The following CAMTA1 variants were observed in gnomAD, a reference collection of about 807,000 sequenced individuals.
The protein encoded by CAMTA1 is calmodulin binding transcription activator 1.
A neutral mutation model predicts 170.9 loss-of-function variants in CAMTA1; 27 were observed. The ratio of observed to expected loss-of-function variants is 0.16; its 90% CI spans 0.12 to 0.22. CAMTA1 has a LOEUF of 0.22. CAMTA1 is among the 10% of genes least tolerant of loss of function. The probability of loss-of-function intolerance (pLI) is 1.00; values close to 1 mark genes in which losing one functional copy is unlikely to be tolerated. For missense variants in CAMTA1, 1,619 were observed against 2,217.2 expected (o/e 0.73, Z 5.42); for synonymous variants, 833 against 891.5 (o/e 0.93, Z 1.17).
intron 5 of CAMTA1, among the ~76,000 whole-genome samples, chr1:7,421,620 C>A (rs575772171): frequency 6.6e-6 from 1 of 152,208 alleles, no homozygotes; most frequent in Non-Finnish European, 1.5e-5. Context: ...CGGCCTCCCC[C>A]TCTTGGGCTG....
At chr1:7,382,533 A>T (rs576631947) in intron 5 of CAMTA1, 1 of 152,270 alleles carries the variant, frequency 6.6e-6, no homozygotes, top group African/African-American at 2.4e-5. Context: ...AGCTATGGGG[A>T]ATTGGCAAGC....
At position 6,972,832 on chromosome 1, in the gene CAMTA1, CTTTCCT is replaced by C. The variant is rs147160235; in HGVS notation, c.235-118454_235-118449del. On this transcript the variant is annotated intron_variant, in intron 3 of 22. Transcript: ENST00000303635. Reference sequence around the variant, plus strand: ...ACTCCATCCTCTTAACAGATTTTTCCTTTCCTTTTCCTTTTCCTTTTCCCTTTCCCT... The same window carrying C: ...ACTCCATCCTCTTAACAGATTTTTCCTTTCCTTTTCCTTTTCCCTTTCCCT... Among the ~76,000 whole-genome samples, 331 of 151,984 alleles carry C rather than the reference CTTTCCT, an allele frequency of 2.2e-3. 3 individuals carry two copies. The highest frequency in any genetic ancestry group is 7.0e-3 in the African/African-American group (290 of 41,436).
chr1:7,139,366 A>C (rs899869628), intron 4 of CAMTA1, among the ~76,000 whole-genome samples: 6 of 147,688 alleles, frequency 4.1e-5, no homozygotes, highest in Non-Finnish European at 8.9e-5. Flanking sequence ...TTATATATAG[A>C]TATATAAATA....
At chr1:7,103,885 G>C (rs1035027948) in intron 4 of CAMTA1, among the ~76,000 whole-genome samples, 11 of 128,508 alleles carry the variant, frequency 8.6e-5, no homozygotes, top group African/African-American at 3.1e-4. Flanking sequence ...CTACACACAT[G>C]TACACACAAC....
intron 3 of CAMTA1, among the ~76,000 whole-genome samples, chr1:6,955,707 G>A (rs1172867529): frequency 6.6e-6 from 1 of 152,154 alleles, no homozygotes; most frequent in African/African-American, 2.4e-5. Context: ...AGATGTTCAC[G>A]GGGCTTAGTG....
rs2095989161 is a variant in CAMTA1, at chr1:7,665,007, C to T, written c.2460C>T (p.Cys820=). ...ARAPFTQAEM[C]LPCCSPQQGS... ...CCCCCTTCACCCAGGCAGAGATGTGCCTCCCCTGCTGTAGCCCCCAGCAGG... is the reference window on the plus strand; with the variant it reads ...CCCCCTTCACCCAGGCAGAGATGTGTCTCCCCTGCTGTAGCCCCCAGCAGG... The change falls in exon 9 of 23, where the codon TGC becomes TGT. Residue 820 remains cysteine (C), a synonymous_variant. Coordinates refer to ENST00000303635, the MANE Select transcript of CAMTA1 (RefSeq NM_015215.4). This position sits in a 1 kb window ranked among gnomAD's most constrained non-coding sequence, Gnocchi z 4.3. The T allele has an allele frequency of 6.2e-7, 1 of 1,600,870 alleles. No homozygotes were observed. The highest frequency in any genetic ancestry group is 2.2e-5 in the East Asian group (1 of 44,758).
intron 1 of CAMTA1, among the ~76,000 whole-genome samples, chr1:6,810,498 A>G (rs1645034973): frequency 6.6e-6 from 1 of 151,960 alleles, no homozygotes; most frequent in South Asian, 2.1e-4. Context: ...ACTCCGGGGG[A>G]GGGGGTTACA....
intron 3 of CAMTA1, among the ~76,000 whole-genome samples, chr1:7,080,874 A>G (rs1485221636): frequency 6.6e-6 from 1 of 152,230 alleles, no homozygotes; most frequent in East Asian, 1.9e-4. Flanking sequence ...ACTAATGGAG[A>G]TAAAAGAGAA....
chr1:7,441,652 T>A (rs2092541303), intron 5 of CAMTA1: 1 of 152,144 alleles, frequency 6.6e-6, no homozygotes, highest in Non-Finnish European at 1.5e-5. Context: ...TTGCATGGGC[T>A]GATAGGAAGG....
intron 3 of CAMTA1, among the ~76,000 whole-genome samples, chr1:6,902,072 C>CAAAAAAAAAAA (rs1553180442): frequency 2.3e-5 from 2 of 88,474 alleles, no homozygotes; most frequent in African/African-American, 7.2e-5. Context: ...CACACACACA[C>CAAAAAAAAAAA]AAAAAAAAAA....
rs1005133370 is a variant in CAMTA1, at chr1:7,659,303, A to G, written c.665-2423A>G. On this transcript the variant is annotated intron_variant, in intron 7 of 22. Coordinates refer to ENST00000303635, the MANE Select transcript of CAMTA1 (RefSeq NM_015215.4). ...TAATCCCAGCACTTTGGGAGGCCAA[A>G]GGGGGGTGGATCACAAGGTCAGGAG... Among the ~76,000 whole-genome samples, 769 of 152,024 alleles carry G rather than the reference A, an allele frequency of 5.1e-3. 10 individuals are homozygous for G. The highest frequency in any genetic ancestry group is 0.017 in the African/African-American group (713 of 41,370).
chr1:7,096,311 C>T (rs886921162), intron 4 of CAMTA1, among the ~76,000 whole-genome samples: 3 of 152,126 alleles, frequency 2.0e-5, no homozygotes, highest in Non-Finnish European at 4.4e-5. Flanking sequence ...TCTTTCCCCG[C>T]CCTGATGGTG....
Position 7,664,870 on chromosome 1 carries a change from G to T in CAMTA1, c.2323G>T (p.Asp775Tyr). The change falls in exon 9 of 23, where the codon GAC (aspartate) becomes TAC (tyrosine). Residue 775 changes from aspartate (D) to tyrosine (Y), a missense_variant. Transcript: ENST00000303635. ...FDISFSNQFS[D>Y]LINDFISVEG... ...CATCTCCTTCAGCAACCAGTTCTCC[G>T]ACCTGATCAACGACTTCATCTCCGT... 1 of 1,613,350 alleles carries T rather than the reference G, an allele frequency of 6.2e-7. No individual in the cohort carries two copies. The highest frequency in any genetic ancestry group is 8.5e-7 in the Non-Finnish European group (1 of 1,180,022).
At chr1:7,085,037 G>T (rs1447583612) in intron 3 of CAMTA1, among the ~76,000 whole-genome samples, 2 of 152,154 alleles carry the variant, frequency 1.3e-5, no homozygotes, top group Non-Finnish European at 2.9e-5. Flanking sequence ...AGAACGTGCA[G>T]GTTTGTTACG....
At position 7,732,217 on chromosome 1, in the gene CAMTA1, G is replaced by T. The variant is rs556582511; in HGVS notation, c.2915-231G>T. Among the ~76,000 whole-genome samples the T allele has an allele frequency of 1.3e-5, 2 of 152,272 alleles. No individual in the cohort carries two copies. The highest frequency in any genetic ancestry group is 2.9e-5 in the Non-Finnish European group (2 of 68,026). ...CTCTTTTTGATCTTTGACAAAAAGA[G>T]AATTTCTGGTCTTTTATCCGAGAAC... On this transcript the variant is annotated intron_variant, in intron 11 of 22. Transcript: ENST00000303635. This position sits in a 1 kb window ranked among gnomAD's most constrained non-coding sequence, Gnocchi z 4.1.
intron 3 of CAMTA1, among the ~76,000 whole-genome samples, chr1:7,015,303 G>A (rs1485277011): frequency 6.6e-6 from 1 of 152,068 alleles, no homozygotes; most frequent in Non-Finnish European, 1.5e-5. Context: ...TCCTCACTGA[G>A]CCAGACAGAC....
rs1271273391 is a variant in CAMTA1, at chr1:7,736,458, A to G, written c.3181A>G (p.Lys1061Glu). The G allele has an allele frequency of 5.0e-6, 8 of 1,613,972 alleles. No individual in the cohort carries two copies. The highest frequency in any genetic ancestry group is 6.8e-6 in the Non-Finnish European group (8 of 1,180,032). ...WAKSKHLIHS[K>E]TFRGMTLLHL... ...GAAGTCCAAGCACTTGATCCACTCA[A>G]AGACTTTCCGCGGAATGACCCTACT... Residue 1061 changes from lysine to glutamate, a missense_variant, in exon 13 of 23, where the codon AAG (lysine) becomes GAG (glutamate). This residue lies in a region of CAMTA1 where 143 missense variants were observed against 184.2 expected (regional missense o/e 0.78). Coordinates refer to ENST00000303635, the MANE Select transcript of CAMTA1 (RefSeq NM_015215.4). The surrounding 1 kb of genome is among the most constrained non-coding windows in gnomAD (Gnocchi z 4.5).
intron 6 of CAMTA1, among the ~76,000 whole-genome samples, chr1:7,615,683 G>A (rs370970872): frequency 1.8e-4 from 27 of 152,348 alleles, no homozygotes; most frequent in African/African-American, 6.0e-4. Context: ...TGGCCACTTC[G>A]TTTGGAGGAT....
At chr1:7,601,049 G>C (rs1434061783) in intron 6 of CAMTA1, among the ~76,000 whole-genome samples, 1 of 152,156 alleles carries the variant, frequency 6.6e-6, no homozygotes, top group Non-Finnish European at 1.5e-5. Flanking sequence ...TCACTTCCCG[G>C]TAGGGGCGGC....
Sources: allele counts gnomAD v4.1 joint callset (sites outside exome capture counted in the v4.1 genomes callset), GRCh38; gene constraint gnomAD v4.1.1; regional missense constraint gnomAD v4.1.1; non-coding constraint Gnocchi (gnomAD v3.1); transcripts MANE v1.5; gene names NCBI Gene and HGNC (gene_info 2026-07-23, HGNC 2026-07-21).